The following STK32B variants were observed in gnomAD, a reference collection of about 807,000 sequenced individuals.
STK32B encodes serine/threonine-protein kinase 32B.
A neutral mutation model predicts 52.6 loss-of-function variants in STK32B; 43 were observed. That is an observed-to-expected ratio of 0.82 (90% CI 0.64 to 1.05). The LOEUF is 1.05. Ranked by LOEUF, STK32B falls within the 50% of genes least tolerant of loss-of-function variation. STK32B has a pLI of 0.00. For synonymous variants in STK32B, 238 were observed against 204.3 expected, an observed-to-expected ratio of 1.17 and a Z score of -1.41; for missense variants, 621 against 534.6, an observed-to-expected ratio of 1.16 and a Z score of -1.59.
At chr4:5,295,997 A>G (rs1729174158) in intron 3 of STK32B, among the ~76,000 whole-genome samples, 2 of 151,902 alleles carry the variant, frequency 1.3e-5, no homozygotes. Flanking sequence ...GAAGTTATTT[A>G]TTTCTGCCTT....
At chr4:5,176,322 C>G (rs1035857706) in intron 3 of STK32B, among the ~76,000 whole-genome samples, 29 of 152,194 alleles carry the variant, frequency 1.9e-4, no homozygotes, top group African/African-American at 7.0e-4. Context: ...ACCCACTGTC[C>G]GGCACTCCCC....
intron 3 of STK32B, among the ~76,000 whole-genome samples, chr4:5,305,596 C>T (rs911027354): frequency 3.3e-5 from 5 of 152,000 alleles, no homozygotes; most frequent in Admixed American, 6.6e-5. Context: ...CTTTTCTTTT[C>T]GTGGTTAACC....
the STK32B span, among the ~76,000 whole-genome samples, chr4:5,028,539 C>A: frequency 6.6e-6 from 1 of 152,192 alleles, no homozygotes; most frequent in African/African-American, 2.4e-5. Context: ...TTTCTACATG[C>A]TCTATGATGC....
chr4:5,157,475 G>T (rs28593013), intron 2 of STK32B, among the ~76,000 whole-genome samples: 86,208 of 151,950 alleles, frequency 0.57, 24,672 homozygotes, highest in African/African-American at 0.63. Flanking sequence ...CTTCAGTGGG[G>T]GTGAGGGCAA....
intron 3 of STK32B, among the ~76,000 whole-genome samples, chr4:5,324,319 AC>A (rs1177107620): frequency 6.6e-6 from 1 of 152,164 alleles, no homozygotes; most frequent in Non-Finnish European, 1.5e-5. Flanking sequence ...GCACCACTGC[AC>A]CCCAGCCTGG....
chr4:5,192,827 G>A (rs1488700904), intron 3 of STK32B, among the ~76,000 whole-genome samples: 2 of 152,142 alleles, frequency 1.3e-5, no homozygotes, highest in African/African-American at 4.8e-5. Context: ...CAGGGCCGCC[G>A]CCTCCTGTAA....
At chr4:5,405,255 G>A (rs760193660) in intron 5 of STK32B, among the ~76,000 whole-genome samples, 8 of 151,772 alleles carry the variant, frequency 5.3e-5, no homozygotes, top group Non-Finnish European at 1.2e-4. Flanking sequence ...TGTGGAGTGA[G>A]GGACTGCCCA....
intron 1 of STK32B, among the ~76,000 whole-genome samples, chr4:5,102,823 G>A (rs370019684): frequency 0.014 from 2,075 of 143,192 alleles, 50 homozygotes; most frequent in African/African-American, 0.05. Flanking sequence ...GATTACAGGC[G>A]TGAGTCACCG....
intron 4 of STK32B, among the ~76,000 whole-genome samples, chr4:5,366,585 C>T (rs1013756690): frequency 6.6e-6 from 1 of 152,170 alleles, no homozygotes; most frequent in East Asian, 1.9e-4. Context: ...GCAACCCTAC[C>T]GAGGAGGGCA....
chr4:5,454,148 C>CG (rs1423303027), intron 7 of STK32B, among the ~76,000 whole-genome samples: 1 of 152,150 alleles, frequency 6.6e-6, no homozygotes, highest in Non-Finnish European at 1.5e-5. Context: ...CCGCTCATGC[C>CG]GGGCCCCATC....
At chr4:5,278,343 A>G (rs1260577586) in intron 3 of STK32B, among the ~76,000 whole-genome samples, 1 of 152,234 alleles carries the variant, frequency 6.6e-6, no homozygotes, top group African/African-American at 2.4e-5. Flanking sequence ...GGGGCAGATC[A>G]AGGAGCTGAG....
intron 3 of STK32B, among the ~76,000 whole-genome samples, chr4:5,290,488 A>G (rs564541531): frequency 1.8e-3 from 269 of 152,354 alleles, no homozygotes; most frequent in African/African-American, 6.3e-3. Context: ...TCATCAAGAT[A>G]TCACTGGCTG....
rs59734822 is a variant in STK32B at position 5,185,826 on chromosome 4, C to T, written c.260+17376C>T. On this transcript the variant is annotated intron_variant, in intron 3 of 11. Coordinates refer to ENST00000282908, the MANE Select transcript of STK32B (RefSeq NM_018401.3). The stretch of plus-strand genomic sequence containing the variant: ...CTCCCGAAGCCCTCAGAATGAACGT[C>T]TTTCTGTGATCTAGCCTGTAACACT... Among the ~76,000 whole-genome samples the T allele has an allele frequency of 4.3e-3, 654 of 152,304 alleles. 13 individuals are homozygous for T. Among genetic ancestry groups the T allele is most frequent in the African/African-American group, 0.015 (615 of 41,564 alleles).
At chr4:5,166,048 A>C (rs1413497528) in intron 2 of STK32B, among the ~76,000 whole-genome samples, 1 of 152,168 alleles carries the variant, frequency 6.6e-6, no homozygotes, top group African/African-American at 2.4e-5. Flanking sequence ...CCAAAGCTGG[A>C]GTCGGAAATC....
intron 1 of STK32B, among the ~76,000 whole-genome samples, chr4:5,110,043 CAAG>C (rs1714312566): frequency 6.7e-6 from 1 of 150,138 alleles, no homozygotes; most frequent in Non-Finnish European, 1.5e-5. Flanking sequence ...TACATTTAAT[CAAG>C]GAGGTGAAAG....
chr4:5,238,458 C>T (rs914167277), intron 3 of STK32B, among the ~76,000 whole-genome samples: 2 of 152,224 alleles, frequency 1.3e-5, no homozygotes, highest in Non-Finnish European at 2.9e-5. Context: ...AGATCCTTAA[C>T]TTAATTCCAT....
At chr4:5,480,982 T>A (rs140119141) in intron 11 of STK32B, among the ~76,000 whole-genome samples, 1 of 152,204 alleles carries the variant, frequency 6.6e-6, no homozygotes, top group Non-Finnish European at 1.5e-5. Context: ...CAGTCTATCA[T>A]TGTTGGACAT....
At chr4:5,127,342 C>G (rs1256760641) in intron 1 of STK32B, among the ~76,000 whole-genome samples, 3 of 152,122 alleles carry the variant, frequency 2.0e-5, no homozygotes, top group African/African-American at 7.2e-5. Flanking sequence ...GGTCTGATAA[C>G]CAGGCAGCTC....
intron 3 of STK32B, among the ~76,000 whole-genome samples, chr4:5,190,159 C>G (rs1441994054): frequency 2.0e-5 from 3 of 152,112 alleles, no homozygotes; most frequent in Admixed American, 6.6e-5. Flanking sequence ...TGTACATTGA[C>G]TAAAAAACTG....
Sources: gnomAD v4.1 joint callset for allele counts (sites outside exome capture counted in the v4.1 genomes callset) on GRCh38, gnomAD v4.1.1 for gene constraint, MANE v1.5 for transcripts, NCBI Gene and HGNC (gene_info 2026-07-23, HGNC 2026-07-21) for gene names.